The following WWOX variants were observed in gnomAD, a reference collection of about 807,000 sequenced individuals.
WWOX encodes the protein WW domain-containing oxidoreductase.
In WWOX, 69 loss-of-function variants were observed where a neutral mutation model predicts 46.2. The ratio of observed to expected loss-of-function variants is 1.49; its 90% CI spans 1.23 to 1.82. WWOX has a LOEUF of 1.82. Ranked by LOEUF, WWOX falls within the 40% of genes most tolerant of loss-of-function variation. The probability of loss-of-function intolerance (pLI) is 0.00; values close to 1 mark genes in which losing one functional copy is unlikely to be tolerated. For synonymous variants in WWOX, 359 were observed against 202.6 expected, an observed-to-expected ratio of 1.77 and a Z score of -6.56; for missense variants, 919 against 542.6, an observed-to-expected ratio of 1.69 and a Z score of -6.89.
Position 78,753,850 on chromosome 16 carries a change from A to ATG in WWOX, c.1056+321099_1056+321100insGT, listed in dbSNP as rs1307980582. Among the ~76,000 whole-genome samples the ATG allele has an allele frequency of 5.4e-4, 47 of 87,306 alleles. 1 individual carries two copies. Among genetic ancestry groups the ATG allele is most frequent in the Non-Finnish European group, 6.7e-4 (32 of 47,756 alleles). 57.3% of individuals were successfully genotyped at this position (87,306 alleles called of 152,430 possible). On this transcript the variant is annotated intron_variant, in intron 8 of 8. Coordinates refer to ENST00000566780, the MANE Select transcript of WWOX (RefSeq NM_016373.4). ...AATATATATATATATATATATATAT[A>ATG]TATATGTATATGTATATGTATATAT...
Position 78,736,780 on chromosome 16 carries a change from A to T in WWOX, c.1056+304028A>T, listed in dbSNP as rs1398560747. 3.9e-5 allele frequency among the ~76,000 whole-genome samples: 6 copies of T among 152,134 alleles called. 1 individual carries two copies. The highest frequency in any genetic ancestry group is 3.9e-4 in the East Asian group (2 of 5,132). On this transcript the variant is annotated intron_variant, in intron 8 of 8. Transcript: ENST00000566780. Reference sequence around the variant, plus strand: ...ACATCTGACTAATTACTAAATTTTTAAAAATTTTTTTAGACACTGAGTCTC... The same window carrying T: ...ACATCTGACTAATTACTAAATTTTTTAAAATTTTTTTAGACACTGAGTCTC...
Position 78,144,468 on chromosome 16 carries a change from CAT to C in WWOX, c.410-19697_410-19696del, listed in dbSNP as rs1215805172. On this transcript the variant is annotated intron_variant, in intron 4 of 8. Coordinates refer to ENST00000566780, the MANE Select transcript of WWOX (RefSeq NM_016373.4). ...ATATACACATATATATATATACACA[CAT>C]ATATATATATATATATACACACACA... Among the ~76,000 whole-genome samples, 79 of 14,464 alleles carry C rather than the reference CAT, an allele frequency of 5.5e-3. 8 individuals are homozygous for C. The highest frequency in any genetic ancestry group is 0.015 in the African/African-American group (57 of 3,740). The allele number at this position is 14,464 out of a possible 152,430, so 9.5% of individuals were successfully genotyped here. A position where few individuals can be genotyped will look rare whatever the true frequency, so the allele number is the denominator to read the frequency against.
At chr16:78,629,582 C>T (rs941982535) in intron 8 of WWOX, among the ~76,000 whole-genome samples, 5 of 152,214 alleles carry the variant, frequency 3.3e-5, no homozygotes, top group African/African-American at 1.2e-4. Flanking sequence ...TGCAAGACCC[C>T]TGCCAACCTC....
chr16:78,144,464 C>T (rs28601270), intron 4 of WWOX, among the ~76,000 whole-genome samples: 9,279 of 17,116 alleles, frequency 0.54, 2,663 homozygotes, highest in African/African-American at 0.64. Context: ...TATATATATA[C>T]ACACATATAT....
At chr16:78,298,812 A>G (rs896058469) in intron 5 of WWOX, among the ~76,000 whole-genome samples, 1 of 148,884 alleles carries the variant, frequency 6.7e-6, no homozygotes, top group Non-Finnish European at 1.5e-5. Flanking sequence ...AAAAAAAATT[A>G]TGTCCTTCTA....
intron 5 of WWOX, among the ~76,000 whole-genome samples, chr16:78,291,331 C>T (rs926846802): frequency 5.3e-5 from 8 of 152,270 alleles, no homozygotes; most frequent in African/African-American, 1.2e-4. Flanking sequence ...ACAGTGTTGG[C>T]GGCCTTTCAG....
intron 8 of WWOX, among the ~76,000 whole-genome samples, chr16:79,040,924 C>T (rs2047959093): frequency 6.6e-6 from 1 of 152,124 alleles, no homozygotes; most frequent in Non-Finnish European, 1.5e-5. Flanking sequence ...TTGCAGGACG[C>T]ATCCATGGAT....
chr16:78,630,883 T>G (rs72628252), intron 8 of WWOX, among the ~76,000 whole-genome samples: 2 of 138,028 alleles, frequency 1.4e-5, no homozygotes, highest in African/African-American at 2.5e-5. Context: ...TCAGCCCCCC[T>G]CTCTCTGGGT....
At chr16:78,474,838 GTTCT>G (rs931522584) in intron 8 of WWOX, among the ~76,000 whole-genome samples, 4 of 152,170 alleles carry the variant, frequency 2.6e-5, no homozygotes. Flanking sequence ...ACGATATGTG[GTTCT>G]TTGTGAGTGG....
At chr16:78,142,330 TAAAAC>T (rs907388057) in intron 4 of WWOX, among the ~76,000 whole-genome samples, 3 of 152,244 alleles carry the variant, frequency 2.0e-5, no homozygotes, top group African/African-American at 7.2e-5. Flanking sequence ...TTGGTTTACT[TAAAAC>T]AAAACTGTGT....
rs573547968 is a variant in WWOX, at chr16:79,025,071, C to T, written c.1057-186537C>T. ...CCTGCTGGAGAGTGAGAGTCCCTCC[C>T]TCCCCATTCCACTCCCAAGAGCAGT... On this transcript the variant is annotated intron_variant, in intron 8 of 8. Coordinates refer to ENST00000566780, the MANE Select transcript of WWOX (RefSeq NM_016373.4). Among the ~76,000 whole-genome samples, 13 of 152,290 alleles carry T rather than the reference C, an allele frequency of 8.5e-5. No individual in the cohort carries two copies. In the South Asian group the frequency reaches 2.7e-3, roughly 32 times the overall value.
chr16:78,803,853 G>T (rs1456951658), intron 8 of WWOX, among the ~76,000 whole-genome samples: 6 of 152,252 alleles, frequency 3.9e-5, no homozygotes, highest in African/African-American at 1.4e-4. Context: ...AATAGTCAGA[G>T]CTCAAAAATT....
Position 78,874,499 on chromosome 16 carries a change from T to TTGTCTGA in WWOX, c.1057-337109_1057-337108insTGTCTGA, listed in dbSNP as rs1351085970. On this transcript the variant is annotated intron_variant, in intron 8 of 8. Transcript: ENST00000566780. ...ATGGACTTGTCTGAGCCTGATGTGG[T>TTGTCTGA]GCCTGGCCAGGGCTCACTGCAGCGC... Among the ~76,000 whole-genome samples, 13 of 152,126 alleles carry TTGTCTGA rather than the reference T, an allele frequency of 8.5e-5. No homozygotes were observed. In the South Asian group the frequency reaches 1.9e-3, roughly 22 times the overall value.
chr16:78,856,471 C>A (rs1037746355), intron 8 of WWOX, among the ~76,000 whole-genome samples: 1 of 152,088 alleles, frequency 6.6e-6, no homozygotes. Context: ...CACAAAACCT[C>A]ATTTCTGCTA....
At chr16:79,208,272 G>A (rs2051587666) in intron 8 of WWOX, among the ~76,000 whole-genome samples, 1 of 152,042 alleles carries the variant, frequency 6.6e-6, no homozygotes, top group South Asian at 2.1e-4. Context: ...TCAGTCCTGT[G>A]TCGTCAACAA....
At chr16:79,096,118 T>C (rs948514206) in intron 8 of WWOX, among the ~76,000 whole-genome samples, 5 of 148,132 alleles carry the variant, frequency 3.4e-5, no homozygotes, top group African/African-American at 1.3e-4. Flanking sequence ...TCCGCCTGCC[T>C]CGGTCTCCCA....
intron 8 of WWOX, among the ~76,000 whole-genome samples, chr16:78,945,868 G>A (rs1248069131): frequency 6.6e-6 from 1 of 152,128 alleles, no homozygotes; most frequent in Non-Finnish European, 1.5e-5. Context: ...TGGATAAGGA[G>A]CCAGTCCTGG....
chr16:78,718,786 G>A (rs1475009489), intron 8 of WWOX, among the ~76,000 whole-genome samples: 1 of 152,058 alleles, frequency 6.6e-6, no homozygotes, highest in Non-Finnish European at 1.5e-5. Context: ...CATATTTATT[G>A]AGACACTAAT....
chr16:78,957,063 A>G (rs2046182101), intron 8 of WWOX, among the ~76,000 whole-genome samples: 1 of 152,122 alleles, frequency 6.6e-6, no homozygotes, highest in South Asian at 2.1e-4. Context: ...GACTTTCTAT[A>G]TCATCCTTTG....
Sources: gnomAD v4.1 joint callset for allele counts (sites outside exome capture counted in the v4.1 genomes callset) on GRCh38, gnomAD v4.1.1 for gene constraint, MANE v1.5 for transcripts, NCBI Gene and HGNC (gene_info 2026-07-23, HGNC 2026-07-21) for gene names.